The following ANKRD36C variants were observed in gnomAD, a reference collection of about 807,000 sequenced individuals.
ANKRD36C encodes ankyrin repeat domain-containing protein 36C.
A neutral mutation model predicts 276.4 loss-of-function variants in ANKRD36C; 61 were observed. That is an observed-to-expected ratio of 0.22 (90% confidence interval 0.18 to 0.27). The LOEUF is 0.27. ANKRD36C is among the 10% of genes least tolerant of loss of function. ANKRD36C has a pLI of 1.00. For missense variants in ANKRD36C, 1,447 were observed against 2,032.3 expected, an observed-to-expected ratio of 0.71 and a Z score of 5.54; for synonymous variants, 483 against 680.1, an observed-to-expected ratio of 0.71 and a Z score of 4.51.
chr2:95,867,660 C>T (rs865878387), intron 59 of ANKRD36C, 79 bp from the exon 80 acceptor site: 16 of 1,536,028 alleles, frequency 1.0e-5, no homozygotes, highest in Non-Finnish European at 6.2e-6. Context: ...GTGGGAATTG[C>T]CCATCTGTTT....
At chr2:95,888,097 A>C (rs1258753619) in exon 49 of ANKRD36C, 1 of 1,609,202 alleles carries the variant, frequency 6.2e-7, no homozygotes, top group Non-Finnish European at 8.5e-7. Context: ...ATTACCTTCA[A>C]GGCTGGTTGT....
At chr2:95,912,796 T>C (rs978840039) in intron 40 of ANKRD36C, among the ~76,000 whole-genome samples, 7 of 151,410 alleles carry the variant, frequency 4.6e-5, no homozygotes, top group African/African-American at 1.7e-4. Flanking sequence ...TGCTATATGA[T>C]CCCATATGTC....
At chr2:95,928,624 A>C (rs1217600626) in intron 26 of ANKRD36C, among the ~76,000 whole-genome samples, 1 of 151,578 alleles carries the variant, frequency 6.6e-6, no homozygotes, top group Admixed American at 6.6e-5. Flanking sequence ...TTCTTGAGGA[A>C]AATAATTGCT....
chr2:95,889,410 A>T (rs1191744779), intron 48 of ANKRD36C, among the ~76,000 whole-genome samples: 2 of 151,520 alleles, frequency 1.3e-5, no homozygotes, highest in Non-Finnish European at 3.0e-5. Flanking sequence ...TTTTTGTGGT[A>T]TTAGGATCAC....
intron 6 of ANKRD36C, among the ~76,000 whole-genome samples, chr2:95,970,108 A>G (rs1678669368): frequency 6.6e-6 from 1 of 152,160 alleles, no homozygotes; most frequent in African/African-American, 2.4e-5. Context: ...AATTCAAAAA[A>G]TCTAGATCTA....
At chr2:95,860,097 T>C (rs1675535137) in intron 60 of ANKRD36C, 23 bp from the exon 81 acceptor site, 1 of 1,418,976 alleles carries the variant, frequency 7.0e-7, no homozygotes, top group Non-Finnish European at 9.7e-7. Context: ...AAAAACAAAG[T>C]AGAGATAAAA....
chr2:95,983,715 C>T (rs1573819806), intron 3 of ANKRD36C, among the ~76,000 whole-genome samples: 2 of 151,596 alleles, frequency 1.3e-5, no homozygotes, highest in Admixed American at 6.6e-5. Context: ...GATTCAAGCA[C>T]GAGAAATTCT....
chr2:95,869,419 T>C (rs2104291747), intron 59 of ANKRD36C, among the ~76,000 whole-genome samples: 1 of 152,344 alleles, frequency 6.6e-6, no homozygotes, highest in South Asian at 2.1e-4. Context: ...ATGAACAGTG[T>C]ACACTTGAGT....
At chr2:95,938,070 T>C (rs1429720880) in intron 22 of ANKRD36C, among the ~76,000 whole-genome samples, 1 of 152,194 alleles carries the variant, frequency 6.6e-6, no homozygotes, top group Non-Finnish European at 1.5e-5. Flanking sequence ...GCAGCTATTA[T>C]GTACATTGTG....
chr2:95,965,065 A>C (rs1388302493), intron 6 of ANKRD36C, among the ~76,000 whole-genome samples: 2 of 151,932 alleles, frequency 1.3e-5, no homozygotes, highest in Non-Finnish European at 2.9e-5. Flanking sequence ...GAATGGTGTA[A>C]TTTTTTGCAG....
At position 95,936,354 on chromosome 2, in the gene ANKRD36C, A is replaced by AAAAT. The variant is rs889694926; in HGVS notation, c.1634-714_1634-711dup. 1.8e-3 allele frequency among the ~76,000 whole-genome samples: 67 copies of AAAAT among 36,226 alleles called. No individual in the cohort carries two copies. The South Asian group carries it at 0.056, about 30-fold the overall frequency. 23.8% of individuals were successfully genotyped at this position (36,226 alleles called of 152,430 possible). A position where few individuals can be genotyped will look rare whatever the true frequency, so the allele number is the denominator to read the frequency against. On this transcript the variant is annotated intron_variant, in intron 22 of 66. Coordinates refer to ENST00000456556, the Ensembl canonical transcript of ANKRD36C. ...CTAAAACTTAAAGTATAATAATAATAAAATAAATAAATAAATAAATAATAC... is the reference window on the plus strand; with the variant it reads ...CTAAAACTTAAAGTATAATAATAATAAAATAAATAAATAAATAAATAAATAATAC...
chr2:95,893,996 A>G (rs1184543411), intron 44 of ANKRD36C, among the ~76,000 whole-genome samples: 2 of 151,490 alleles, frequency 1.3e-5, no homozygotes, highest in African/African-American at 4.8e-5. Context: ...CTCAATGTGC[A>G]TAGGCCGAGT....
intron 42 of ANKRD36C, among the ~76,000 whole-genome samples, chr2:95,902,217 T>G (rs1399237452): frequency 3.3e-5 from 5 of 149,578 alleles, no homozygotes; most frequent in Non-Finnish European, 7.5e-5. Context: ...TGATGCCTCC[T>G]AGTAACCAAG....
intron 24 of ANKRD36C, among the ~76,000 whole-genome samples, chr2:95,934,359 C>T (rs980665481): frequency 6.6e-6 from 1 of 151,994 alleles, no homozygotes; most frequent in African/African-American, 2.4e-5. Context: ...AGCCCGAATG[C>T]CCATCAGTGA....
At chr2:95,958,394 C>A (rs538306363) in intron 12 of ANKRD36C, among the ~76,000 whole-genome samples, 197 bp downstream of exon 12, 10 of 152,168 alleles carry the variant, frequency 6.6e-5, no homozygotes, top group Middle Eastern at 3.4e-3. Flanking sequence ...GTAGGGAAGT[C>A]TATAATCTTA....
intron 6 of ANKRD36C, among the ~76,000 whole-genome samples, chr2:95,969,040 T>C (rs1377524142): frequency 1.3e-5 from 2 of 152,168 alleles, no homozygotes; most frequent in Admixed American, 6.5e-5. Flanking sequence ...TCCAGGCAGC[T>C]GAATACAGCT....
intron 59 of ANKRD36C, among the ~76,000 whole-genome samples, chr2:95,870,844 G>A (rs1023358995): frequency 8.5e-5 from 13 of 152,152 alleles, no homozygotes; most frequent in South Asian, 2.1e-4. Context: ...GCTGAAAGCC[G>A]AGGCTCGAGA....
Position 95,984,739 on chromosome 2 carries a change from C to T in ANKRD36C, c.486+2012G>A, listed in dbSNP as rs1027446003. Reference sequence around the variant, plus strand: ...GGATAATTAGTTCATAGGACTGCTGCAACTAAATTATTAAAATAATATTAA... The same window carrying T: ...GGATAATTAGTTCATAGGACTGCTGTAACTAAATTATTAAAATAATATTAA... On this transcript the variant is annotated intron_variant, in intron 3 of 66. Coordinates refer to ENST00000456556, the Ensembl canonical transcript of ANKRD36C. Among the ~76,000 whole-genome samples, 29 of 152,160 alleles carry T rather than the reference C, an allele frequency of 1.9e-4. 1 individual carries two copies. Among genetic ancestry groups the T allele is most frequent in the African/African-American group, 6.3e-4 (26 of 41,528 alleles).
intron 34 of ANKRD36C, among the ~76,000 whole-genome samples, chr2:95,921,071 T>A (rs551418827): frequency 4.0e-5 from 6 of 150,540 alleles, no homozygotes; most frequent in Non-Finnish European, 8.9e-5. Context: ...TTCACTCAGA[T>A]TTCCTCAGCA....
Sources: gnomAD v4.1 joint callset for allele counts (sites outside exome capture counted in the v4.1 genomes callset) on GRCh38, gnomAD v4.1.1 for gene constraint, MANE v1.5 for transcripts, NCBI Gene and HGNC (gene_info 2026-07-23, HGNC 2026-07-21) for gene names.